Variants in SETD9 observed in about 807,000 individuals in gnomAD.
The protein encoded by SETD9 is SET domain-containing protein 9.
Under a neutral mutation model 36.4 loss-of-function variants are expected in SETD9, and 37 were observed. The ratio of observed to expected loss-of-function variants is 1.02; its 90% confidence interval spans 0.78 to 1.34. The LOEUF (loss-of-function observed/expected upper bound fraction) is 1.34, where lower values mean the gene tolerates loss of function less well. Ranked by LOEUF, SETD9 falls within the 40% of genes most tolerant of loss-of-function variation. The probability of loss-of-function intolerance (pLI) is 0.00; values close to 1 mark genes in which losing one functional copy is unlikely to be tolerated. For synonymous variants in SETD9, 128 were observed against 132.9 expected, an observed-to-expected ratio of 0.96 and a Z score of 0.26; for missense variants, 323 against 353.2, an observed-to-expected ratio of 0.91 and a Z score of 0.69.
At chr5:56,909,541 G>C (rs1323612809), upstream of SETD9, 2 of 801,834 alleles carry the variant, frequency 2.5e-6, no homozygotes, top group African/African-American at 3.7e-5. Flanking sequence ...GCGGAGCCAG[G>C]GGAAGGCGGC....
At chr5:56,910,256 A>G (rs1579805389) in intron 1 of SETD9, 1 of 1,302,130 alleles carries the variant, frequency 7.7e-7, no homozygotes, top group Non-Finnish European at 1.0e-6. Flanking sequence ...GCCAGGGTTT[A>G]TTTTCATAGT....
At chr5:56,924,119 T>A in intron 5 of SETD9, 3 of 1,399,596 alleles carry the variant, frequency 2.1e-6, no homozygotes, top group Non-Finnish European at 3.0e-6. Flanking sequence ...TCCACAACAC[T>A]ACAACTTCAA....
intron 1 of SETD9, chr5:56,910,167 T>C: frequency 8.2e-7 from 1 of 1,222,192 alleles, no homozygotes; most frequent in South Asian, 1.5e-5. Context: ...TTAAAAAGAC[T>C]GCCCTTACCG....
chr5:56,910,424 AC>A (rs1357438245), intron 1 of SETD9: 1 of 1,301,884 alleles, frequency 7.7e-7, no homozygotes, highest in South Asian at 1.2e-5. Flanking sequence ...TTAAGGGCGC[AC>A]CAGTGATCAG....
chr5:56,914,586 ATATGT>A (rs1410888008), intron 4 of SETD9, among the ~76,000 whole-genome samples: 2 of 149,126 alleles, frequency 1.3e-5, no homozygotes, highest in Non-Finnish European at 2.9e-5. Flanking sequence ...TTATCTAAAC[ATATGT>A]TATTATATAT....
chr5:56,917,005 G>A lies in SETD9; in HGVS notation c.*103G>A, dbSNP rs1561222987. The A allele has an allele frequency of 1.0e-5, 14 of 1,379,020 alleles. No homozygotes were observed. The Admixed American group carries it at 1.1e-4, about 11-fold the overall frequency. The allele number at this position is 1,379,020 out of a possible 1,614,324, so 85.4% of individuals were successfully genotyped here. A position where few individuals can be genotyped will look rare whatever the true frequency, so the allele number is the denominator to read the frequency against. ...TCTACCTGTAAAACAAATATTTTGA[G>A]ACTTAATTGGAATAGGAATTTCTTA... On this transcript the variant is annotated 3_prime_UTR_variant, in exon 6 of 6. Transcript: ENST00000285947.
At chr5:56,923,899 A>C (rs1749820388) in intron 5 of SETD9, 1 of 1,614,020 alleles carries the variant, frequency 6.2e-7, no homozygotes, top group Admixed American at 1.7e-5. Flanking sequence ...TTTGAAGGCA[A>C]GGCCACAGTA....
rs1749816285 is a variant in SETD9, at chr5:56,923,863, C to T, written c.813-1470C>T. ...AAAACACACCCCAGTAATTTTATGA[C>T]TATATATTACAGTTAAAAGTAAGTC... is the stretch of plus-strand genomic sequence containing the variant. On this transcript the variant is annotated intron_variant, in intron 5 of 5. Coordinates refer to the SETD9 transcript ENST00000628593. The T allele has an allele frequency of 1.9e-6, 3 of 1,613,972 alleles. No individual in the cohort carries two copies. In the South Asian group the frequency reaches 3.3e-5, roughly 18 times the overall value.
chr5:56,927,702 C>T (rs1750061739), downstream of SETD9, among the ~76,000 whole-genome samples: 1 of 152,022 alleles, frequency 6.6e-6, no homozygotes, highest in Non-Finnish European at 1.5e-5. Context: ...AATCAATGTA[C>T]CTACACTGAC....
chr5:56,926,044 A>G (rs1041233063), downstream of SETD9, among the ~76,000 whole-genome samples: 4 of 149,794 alleles, frequency 2.7e-5, no homozygotes, highest in African/African-American at 9.7e-5. Context: ...ACATCCACAT[A>G]AAAAAAAAGA....
In SETD9 at chr5:56,913,020, A is replaced by T. The variant is rs370514568; in HGVS notation, c.476A>T (p.Tyr159Phe). The T allele has an allele frequency of 6.2e-6, 10 of 1,613,824 alleles. No individual in the cohort carries two copies. Among genetic ancestry groups the T allele is most frequent in the Admixed American group, 1.7e-5 (1 of 60,004 alleles). Residue 159 changes from tyrosine (Y) to phenylalanine (F), a missense_variant, in exon 3 of 6, where the codon TAT (tyrosine) becomes TTT (phenylalanine). Coordinates refer to ENST00000285947, the MANE Select transcript of SETD9 (RefSeq NM_153706.4). ...AVVSMYPGTV[Y>F]QKYEPIFFQS... ...TCTTGTTGTGTAATAGGTACAGTAT[A>T]TCAGAAGTATGAGCCGATCTTTTTC...
chr5:56,909,753 C>A lies in SETD9; in HGVS notation c.98+10C>A. 1 of 1,606,706 alleles carries A rather than the reference C, an allele frequency of 6.2e-7. No homozygotes were observed. Among genetic ancestry groups the A allele is most frequent in the Non-Finnish European group, 8.5e-7 (1 of 1,176,336 alleles). On this transcript the variant is annotated intron_variant, in intron 1 of 5. Coordinates refer to ENST00000285947, the MANE Select transcript of SETD9 (RefSeq NM_153706.4). Reference sequence around the variant, plus strand: ...TAAGCCACAACCCGAGGTGAGAGGGCGGGACGGCAGAACGAGGGGCACCTG... The same window carrying A: ...TAAGCCACAACCCGAGGTGAGAGGGAGGGACGGCAGAACGAGGGGCACCTG...
chr5:56,910,086 T>A, intron 1 of SETD9: 1 of 1,252,912 alleles, frequency 8.0e-7, no homozygotes. Context: ...CAGCCGGATG[T>A]GTCGCCTGTT....
At chr5:56,927,148 T>C (rs535020230), downstream of SETD9, among the ~76,000 whole-genome samples, 1 of 152,256 alleles carries the variant, frequency 6.6e-6, no homozygotes, top group Non-Finnish European at 1.5e-5. Flanking sequence ...GAAGCTACTC[T>C]GTATGATACT....
chr5:56,912,142 T>C, intron 2 of SETD9: 1 of 973,880 alleles, frequency 1.0e-6, no homozygotes, highest in Non-Finnish European at 1.2e-6. Context: ...GTGACAGTGC[T>C]AGGCTCCATC....
chr5:56,914,394 T>C (rs1749317033), intron 4 of SETD9, among the ~76,000 whole-genome samples: 1 of 152,164 alleles, frequency 6.6e-6, no homozygotes, highest in Admixed American at 6.5e-5. Flanking sequence ...GACTTTCCCA[T>C]AGGTAAAAGT....
downstream of SETD9, among the ~76,000 whole-genome samples, chr5:56,925,828 C>A (rs1408318729): frequency 6.6e-6 from 1 of 151,750 alleles, no homozygotes; most frequent in African/African-American, 2.4e-5. Flanking sequence ...TACTGACAGT[C>A]CCCAACTTCA....
At chr5:56,912,962 T>A in intron 2 of SETD9, 49 bp from the exon 3 acceptor site, 1 of 1,584,784 alleles carries the variant, frequency 6.3e-7, no homozygotes, top group Non-Finnish European at 8.6e-7. Context: ...TCGCAGTGTT[T>A]ATGATTTTTC....
intron 5 of SETD9, among the ~76,000 whole-genome samples, chr5:56,916,202 A>C (rs1228980775): frequency 1.3e-5 from 2 of 151,916 alleles, no homozygotes; most frequent in East Asian, 3.9e-4. Flanking sequence ...GAACAGCCTG[A>C]CCAACATGGT....
Sources: allele counts gnomAD v4.1 joint callset (sites outside exome capture counted in the v4.1 genomes callset), GRCh38; gene constraint gnomAD v4.1.1; transcripts MANE v1.5; gene names NCBI Gene and HGNC (gene_info 2026-07-23, HGNC 2026-07-21).